The following ERBB4 variants were observed in gnomAD, a reference collection of about 807,000 sequenced individuals.
ERBB4 encodes the protein erb-b2 receptor tyrosine kinase 4.
Under a neutral mutation model 158.0 loss-of-function variants are expected in ERBB4, and 42 were observed. That is an observed-to-expected ratio of 0.27 (90% CI 0.21 to 0.34). The LOEUF (loss-of-function observed/expected upper bound fraction) is 0.34. Among genes scored for constraint, ERBB4 ranks in the 10% least tolerant of loss-of-function variants. ERBB4 has a pLI of 1.00. For synonymous variants in ERBB4, 583 were observed against 558.7 expected, an observed-to-expected ratio of 1.04 and a Z score of -0.61; for missense variants, 1,333 against 1,624.1, an observed-to-expected ratio of 0.82 and a Z score of 3.08.
chr2:211,818,965 C>T (rs2076935054), intron 3 of ERBB4, among the ~76,000 whole-genome samples: 1 of 151,898 alleles, frequency 6.6e-6, no homozygotes, highest in Non-Finnish European at 1.5e-5. Context: ...TTTCTAAAAG[C>T]AATATTTTAA....
At chr2:212,367,951 C>T (rs971193808) in intron 1 of ERBB4, among the ~76,000 whole-genome samples, 8 of 151,780 alleles carry the variant, frequency 5.3e-5, no homozygotes, top group South Asian at 2.1e-4. Context: ...GGTGTGGATG[C>T]GGTGAATAGG....
At chr2:212,448,023 C>G (rs1311949217) in intron 1 of ERBB4, among the ~76,000 whole-genome samples, 1 of 152,052 alleles carries the variant, frequency 6.6e-6, no homozygotes, top group Non-Finnish European at 1.5e-5. Flanking sequence ...TTAACCTGTC[C>G]TGTTTCAGAC....
intron 16 of ERBB4, among the ~76,000 whole-genome samples, chr2:211,639,593 CA>C (rs2070493494): frequency 6.6e-6 from 1 of 152,160 alleles, no homozygotes; most frequent in Non-Finnish European, 1.5e-5. Context: ...TAGTTGTTAA[CA>C]GAGAATATAT....
chr2:211,529,403 C>A (rs2066435793), intron 20 of ERBB4, among the ~76,000 whole-genome samples: 1 of 152,172 alleles, frequency 6.6e-6, no homozygotes, highest in Non-Finnish European at 1.5e-5. Context: ...GACGGCTTCA[C>A]TGCTGAACTC....
At position 211,563,355 on chromosome 2, in the gene ERBB4, C is replaced by A. The variant is rs141432860; in HGVS notation, c.2302-1267G>T. On this transcript the variant is annotated intron_variant, in intron 19 of 27. Coordinates refer to ENST00000342788, the MANE Select transcript of ERBB4 (RefSeq NM_005235.3). ...TTGAAAAGCTATGTAATATCACCTA[C>A]GTAGTATTCTTGTCAATAATATCTG... Among the ~76,000 whole-genome samples the A allele has an allele frequency of 8.7e-4, 132 of 152,224 alleles. 1 individual carries two copies. Among genetic ancestry groups the A allele is most frequent in the African/African-American group, 2.6e-3 (109 of 41,552 alleles).
At chr2:211,442,039 C>G (rs1346223037) in intron 20 of ERBB4, among the ~76,000 whole-genome samples, 1 of 152,064 alleles carries the variant, frequency 6.6e-6, no homozygotes, top group South Asian at 2.1e-4. Flanking sequence ...CACTGAACCA[C>G]GTTTTCACTC....
chr2:212,215,223 C>G (rs1178504373), intron 1 of ERBB4, among the ~76,000 whole-genome samples: 2 of 151,426 alleles, frequency 1.3e-5, no homozygotes, highest in Non-Finnish European at 1.5e-5. Flanking sequence ...ATCTTCTGTC[C>G]ATATGTAGTA....
intron 2 of ERBB4, among the ~76,000 whole-genome samples, chr2:211,975,433 T>G (rs1159672341): frequency 6.6e-6 from 1 of 152,198 alleles, no homozygotes. Context: ...TAATAATTAT[T>G]GCTCCACAGT....
intron 2 of ERBB4, among the ~76,000 whole-genome samples, chr2:211,975,486 TCACTTGGAAAGA>T (rs913978882): frequency 6.6e-6 from 1 of 152,170 alleles, no homozygotes; most frequent in African/African-American, 2.4e-5. Context: ...AAGAACAACT[TCACTTGGAAAGA>T]CATATGGTTA....
At chr2:211,415,748 A>ATGACT (rs1213442154) in intron 25 of ERBB4, among the ~76,000 whole-genome samples, 3 of 152,206 alleles carry the variant, frequency 2.0e-5, no homozygotes, top group Non-Finnish European at 4.4e-5. Flanking sequence ...CTTACATTCA[A>ATGACT]TGACTTAGAA....
chr2:211,661,853 A>C (rs903478322), intron 15 of ERBB4, among the ~76,000 whole-genome samples: 5 of 150,158 alleles, frequency 3.3e-5, no homozygotes, highest in Admixed American at 6.6e-5. Flanking sequence ...TCCCGGCTAA[A>C]ACGGTGAAAC....
At chr2:211,418,680 CTA>C (rs1392602979) in intron 25 of ERBB4, among the ~76,000 whole-genome samples, 1 of 151,902 alleles carries the variant, frequency 6.6e-6, no homozygotes, top group South Asian at 2.1e-4. Flanking sequence ...GAAAGAAAAA[CTA>C]TTTTTTTTTA....
At chr2:211,482,145 C>G (rs2065098337) in intron 20 of ERBB4, among the ~76,000 whole-genome samples, 1 of 152,170 alleles carries the variant, frequency 6.6e-6, no homozygotes, top group East Asian at 1.9e-4. Context: ...TAAGGATAAT[C>G]CAGAGAACTG....
rs369647543 is a variant in ERBB4, at chr2:211,688,090, T to A, written c.1490-8906A>T. Reference sequence around the variant, plus strand: ...CCCATGTTATTCACTCCACATTACATTGTTACTATTTTCGATTTAGCATGA... The same window carrying A: ...CCCATGTTATTCACTCCACATTACAATGTTACTATTTTCGATTTAGCATGA... On this transcript the variant is annotated intron_variant, in intron 12 of 27. Coordinates refer to ENST00000342788, the MANE Select transcript of ERBB4 (RefSeq NM_005235.3). Among the ~76,000 whole-genome samples, 16 of 152,308 alleles carry A rather than the reference T, an allele frequency of 1.1e-4. No homozygotes were observed. In the South Asian group the frequency reaches 3.1e-3, roughly 30 times the overall value.
At chr2:212,425,021 TA>T (rs1234324380) in intron 1 of ERBB4, among the ~76,000 whole-genome samples, 1 of 151,890 alleles carries the variant, frequency 6.6e-6, no homozygotes, top group Non-Finnish European at 1.5e-5. Context: ...TGCACAGAAA[TA>T]TGAACACAAC....
intron 9 of ERBB4, among the ~76,000 whole-genome samples, chr2:211,709,440 A>G (rs1040134970): frequency 6.6e-6 from 1 of 151,718 alleles, no homozygotes; most frequent in African/African-American, 2.4e-5. Flanking sequence ...CTTTCTACCC[A>G]TGTTTTATCT....
chr2:211,979,447 A>C (rs2081727988), intron 2 of ERBB4, among the ~76,000 whole-genome samples: 1 of 152,186 alleles, frequency 6.6e-6, no homozygotes, highest in Admixed American at 6.5e-5. Context: ...AAAAAGAATG[A>C]TTCTTCAACT....
chr2:211,523,733 G>A (rs960240717), intron 20 of ERBB4, among the ~76,000 whole-genome samples: 2 of 152,044 alleles, frequency 1.3e-5, no homozygotes, highest in African/African-American at 4.8e-5. Context: ...CCCAATGAGT[G>A]AGCAGCAGCA....
intron 1 of ERBB4, among the ~76,000 whole-genome samples, chr2:212,297,575 C>T (rs6711391): frequency 0.74 from 112,174 of 151,684 alleles, 45,765 homozygotes; most frequent in Non-Finnish European, 0.9. Flanking sequence ...AAAGGATAAA[C>T]CTGAATGAAA....
Sources: allele counts gnomAD v4.1 joint callset (sites outside exome capture counted in the v4.1 genomes callset), GRCh38; gene constraint gnomAD v4.1.1; transcripts MANE v1.5; gene names NCBI Gene and HGNC (gene_info 2026-07-23, HGNC 2026-07-21).